The following PCCA variants were observed in gnomAD, a reference collection of about 807,000 sequenced individuals.
The protein encoded by PCCA is propionyl-CoA carboxylase alpha chain, mitochondrial.
Under a neutral mutation model 101.3 loss-of-function variants are expected in PCCA, and 74 were observed. The observed-to-expected ratio is 0.73, with a 90% CI of 0.61 to 0.89. PCCA has a LOEUF of 0.89. PCCA is among the 40% of genes least tolerant of loss of function. The probability of loss-of-function intolerance (pLI) is 0.00; values close to 1 mark genes in which losing one functional copy is unlikely to be tolerated. For synonymous variants in PCCA, 294 were observed against 313.6 expected, an observed-to-expected ratio of 0.94 and a Z score of 0.66; for missense variants, 891 against 907.0, an observed-to-expected ratio of 0.98 and a Z score of 0.23.
chr13:100,425,509 T>C (rs2079080681), intron 19 of PCCA, 124 bp from the exon 20 acceptor site: 4 of 731,880 alleles, frequency 5.5e-6, no homozygotes, highest in Middle Eastern at 2.7e-4. Flanking sequence ...GCTGGAGCAG[T>C]AAACATGACA....
intron 21 of PCCA, among the ~76,000 whole-genome samples, chr13:100,482,085 T>C (rs1157811537): frequency 1.3e-5 from 2 of 152,278 alleles, no homozygotes; most frequent in African/African-American, 2.4e-5. Context: ...TTCTTCATTC[T>C]AACATGAACA....
chr13:100,401,919 G>A (rs986665707), intron 19 of PCCA, among the ~76,000 whole-genome samples: 1 of 152,092 alleles, frequency 6.6e-6, no homozygotes, highest in Non-Finnish European at 1.5e-5. Flanking sequence ...TATTGGGATA[G>A]AATTTTAAGT....
intron 21 of PCCA, among the ~76,000 whole-genome samples, chr13:100,511,764 C>G (rs903822429): frequency 3.3e-5 from 5 of 152,234 alleles, no homozygotes; most frequent in Non-Finnish European, 5.9e-5. Context: ...ACCTCGGGAG[C>G]AGCCGCAGAC....
intron 20 of PCCA, among the ~76,000 whole-genome samples, chr13:100,437,597 G>A (rs12864307): frequency 3.3e-5 from 5 of 151,250 alleles, no homozygotes; most frequent in East Asian, 1.9e-4. Context: ...TGGTAATGAC[G>A]TTTATTAAAT....
At chr13:100,467,885 G>A (rs968800419) in intron 21 of PCCA, among the ~76,000 whole-genome samples, 3 of 152,190 alleles carry the variant, frequency 2.0e-5, no homozygotes, top group African/African-American at 7.2e-5. Flanking sequence ...ATCTAGAGTG[G>A]TGAAGAAGGT....
At chr13:100,158,536 T>C (rs1419495573) in intron 6 of PCCA, among the ~76,000 whole-genome samples, 1 of 152,240 alleles carries the variant, frequency 6.6e-6, no homozygotes, top group Non-Finnish European at 1.5e-5. Context: ...TTATGCAGCA[T>C]ATCTACATTT....
chr13:100,452,273 G>A (rs951205884), intron 21 of PCCA, among the ~76,000 whole-genome samples: 9 of 150,090 alleles, frequency 6.0e-5, no homozygotes, highest in African/African-American at 1.2e-4. Context: ...CTCTGTCTCT[G>A]TGTCCCCACG....
chr13:100,127,176 T>G (rs1019873299), intron 4 of PCCA, among the ~76,000 whole-genome samples: 2 of 152,220 alleles, frequency 1.3e-5, no homozygotes, highest in African/African-American at 4.8e-5. Flanking sequence ...ATCAGTATCT[T>G]CATGTATGAC....
chr13:100,453,831 AAG>A (rs1190473631), intron 21 of PCCA, among the ~76,000 whole-genome samples: 1 of 93,426 alleles, frequency 1.1e-5, no homozygotes, highest in African/African-American at 5.4e-5. Context: ...CACCGGAAAA[AAG>A]GGAAAAAAAG....
In PCCA at chr13:100,111,518, A is replaced by T. The variant is rs373312174; in HGVS notation, c.184-323A>T. Among the ~76,000 whole-genome samples the T allele has an allele frequency of 6.6e-5, 10 of 152,274 alleles. No homozygotes were observed. The South Asian group carries it at 1.0e-3, about 16-fold the overall frequency. ...TTTGAAGATTTTCTTTTGGCTACAG[A>T]ATATGTAGATACCCCCATTGTGAAT... is the stretch of plus-strand genomic sequence containing the variant. On this transcript the variant is annotated intron_variant, in intron 2 of 23. Transcript: ENST00000376285.
chr13:100,179,091 AAT>A (rs565171827), intron 6 of PCCA, among the ~76,000 whole-genome samples: 4,614 of 110,282 alleles, frequency 0.042, 131 homozygotes, highest in African/African-American at 0.13. Flanking sequence ...AAAAAAAAAA[AAT>A]ATATATATAT....
At chr13:100,240,030 C>T (rs2061024104) in intron 8 of PCCA, among the ~76,000 whole-genome samples, 2 of 152,116 alleles carry the variant, frequency 1.3e-5, no homozygotes, top group Non-Finnish European at 2.9e-5. Context: ...TCATTACTAC[C>T]ACTCTCCTCC....
intron 21 of PCCA, 130 bp downstream of exon 21, chr13:100,449,435 C>T: frequency 1.7e-6 from 1 of 601,870 alleles, no homozygotes; most frequent in Non-Finnish European, 2.9e-6. Context: ...TTTGCCTTTA[C>T]AAATGATATT....
chr13:100,372,606 C>T (rs932819325), intron 19 of PCCA, among the ~76,000 whole-genome samples: 1 of 152,144 alleles, frequency 6.6e-6, no homozygotes. Context: ...AATATTTTCT[C>T]CCATTCTGTG....
At chr13:100,435,472 A>G (rs1479992823) in intron 20 of PCCA, among the ~76,000 whole-genome samples, 2 of 152,230 alleles carry the variant, frequency 1.3e-5, no homozygotes, top group Non-Finnish European at 2.9e-5. Context: ...GTAGTTGGGA[A>G]GGCAACTTAC....
At chr13:100,121,462 T>C (rs935233140) in intron 4 of PCCA, among the ~76,000 whole-genome samples, 2 of 123,010 alleles carry the variant, frequency 1.6e-5, no homozygotes, top group Non-Finnish European at 3.3e-5. Flanking sequence ...GTCTGGGCCT[T>C]AGGATTCTTT....
intron 7 of PCCA, among the ~76,000 whole-genome samples, chr13:100,231,580 G>C (rs965710019): frequency 1.3e-5 from 2 of 152,080 alleles, no homozygotes; most frequent in South Asian, 2.1e-4. Context: ...TTAATAATTT[G>C]ATAACTTCAG....
intron 16 of PCCA, among the ~76,000 whole-genome samples, chr13:100,323,168 C>G (rs1031497682): frequency 2.6e-5 from 4 of 152,242 alleles, no homozygotes; most frequent in South Asian, 2.1e-4. Context: ...GCAAACCAGG[C>G]TGGCTGTGTT....
chr13:100,466,441 A>G (rs564908805), intron 21 of PCCA, among the ~76,000 whole-genome samples: 32 of 152,298 alleles, frequency 2.1e-4, no homozygotes, highest in Non-Finnish European at 3.5e-4. Flanking sequence ...TATGTTTTGT[A>G]TGGTGTAAAT....
Sources: allele counts gnomAD v4.1 joint callset (sites outside exome capture counted in the v4.1 genomes callset), GRCh38; gene constraint gnomAD v4.1.1; transcripts MANE v1.5; gene names NCBI Gene and HGNC (gene_info 2026-07-23, HGNC 2026-07-21).